ARHGEF3: variants seen among roughly 807,000 people sequenced by gnomAD.
ARHGEF3 encodes the protein 59.8 kDA protein.
A neutral mutation model predicts 63.2 loss-of-function variants in ARHGEF3; 28 were observed. The ratio of observed to expected loss-of-function variants is 0.44; its 90% CI spans 0.33 to 0.61. ARHGEF3 has a LOEUF of 0.61. ARHGEF3 is among the 20% of genes least tolerant of loss of function. The probability of loss-of-function intolerance (pLI) is 0.03; values close to 1 mark genes in which losing one functional copy is unlikely to be tolerated. For synonymous variants in ARHGEF3, 266 were observed against 254.2 expected (o/e 1.05, Z -0.44); for missense variants, 533 against 659.3 (o/e 0.81, Z 2.10).
At chr3:56,894,997 A>G (rs923710423) in intron 3 of ARHGEF3, among the ~76,000 whole-genome samples, 5 of 152,110 alleles carry the variant, frequency 3.3e-5, no homozygotes, top group African/African-American at 1.2e-4. Context: ...TTTGCTTTTT[A>G]CTCAGAACTT....
intron 1 of ARHGEF3, chr3:56,774,993 G>T (rs2036215350): frequency 6.6e-7 from 1 of 1,509,688 alleles, no homozygotes; most frequent in Non-Finnish European, 8.9e-7. Flanking sequence ...ACAAAGAGAA[G>T]AGTTACCCTT....
intron 4 of ARHGEF3, among the ~76,000 whole-genome samples, chr3:56,877,368 C>T (rs76716309): frequency 0.034 from 4,909 of 145,170 alleles, 285 homozygotes; most frequent in African/African-American, 0.12. Context: ...TTAATTTGTA[C>T]TATAATCCTT....
chr3:57,028,784 C>T (rs1000325599), intron 2 of ARHGEF3, among the ~76,000 whole-genome samples: 8 of 151,796 alleles, frequency 5.3e-5, no homozygotes, highest in Middle Eastern at 6.8e-3. Flanking sequence ...CACTGGGTTG[C>T]GACGATGTTT....
intron 2 of ARHGEF3, among the ~76,000 whole-genome samples, chr3:57,016,281 G>A (rs1278041385): frequency 6.6e-6 from 1 of 151,654 alleles, no homozygotes; most frequent in African/African-American, 2.4e-5. Context: ...AAACGGCCAG[G>A]CGCAGTAATC....
chr3:57,009,829 G>T (rs926772525), intron 2 of ARHGEF3, among the ~76,000 whole-genome samples: 2 of 151,880 alleles, frequency 1.3e-5, no homozygotes, highest in African/African-American at 4.9e-5. Context: ...ATCATGTTAT[G>T]ATTAATTAAT....
rs1410825594 is a variant in ARHGEF3, at chr3:57,001,915, G to GTTTTTTTTTTTTTTTTTTTTTTT, written c.62+33172_62+33173insAAAAAAAAAAAAAAAAAAAAAAA. Among the ~76,000 whole-genome samples the GTTTTTTTTTTTTTTTTTTTTTTT allele has an allele frequency of 2.8e-4, 15 of 53,710 alleles. 7 individuals are homozygous for GTTTTTTTTTTTTTTTTTTTTTTT. Among genetic ancestry groups the GTTTTTTTTTTTTTTTTTTTTTTT allele is most frequent in the East Asian group, 7.0e-4 (1 of 1,432 alleles). 35.2% of individuals were successfully genotyped at this position (53,710 alleles called of 152,430 possible). On this transcript the variant is annotated intron_variant, in intron 2 of 12. Coordinates refer to the ARHGEF3 transcript ENST00000338458. ...AAATCCTAAAACCCAAAGTGAGATA[G>GTTTTTTTTTTTTTTTTTTTTTTT]TTTTTTTTTTTTTTGTTTTTTGTTT...
At chr3:56,899,627 C>A (rs2041437669) in intron 3 of ARHGEF3, among the ~76,000 whole-genome samples, 1 of 152,136 alleles carries the variant, frequency 6.6e-6, no homozygotes, top group South Asian at 2.1e-4. Context: ...CATTGTTTTA[C>A]AGAAAATTAT....
chr3:56,943,549 C>T (rs1447556417), intron 3 of ARHGEF3, among the ~76,000 whole-genome samples: 1 of 152,200 alleles, frequency 6.6e-6, no homozygotes, highest in Non-Finnish European at 1.5e-5. Flanking sequence ...TTCATGCCTG[C>T]TAACTCAACA....
intron 1 of ARHGEF3, among the ~76,000 whole-genome samples, chr3:57,075,802 C>T (rs1220461334): frequency 1.3e-5 from 2 of 151,812 alleles, no homozygotes; most frequent in Admixed American, 6.6e-5. Context: ...AAAGCAAGAC[C>T]CTATCTCTAA....
intron 3 of ARHGEF3, among the ~76,000 whole-genome samples, chr3:56,923,640 C>G (rs1490782147): frequency 2.0e-5 from 3 of 152,096 alleles, no homozygotes; most frequent in Non-Finnish European, 4.4e-5. Context: ...CTGTATCCAT[C>G]TAGAAAGTTC....
intron 3 of ARHGEF3, among the ~76,000 whole-genome samples, chr3:56,905,538 A>G (rs1342661806): frequency 6.6e-6 from 1 of 152,204 alleles, no homozygotes; most frequent in Non-Finnish European, 1.5e-5. Flanking sequence ...ATATCCTTCT[A>G]CATAAACCAG....
chr3:56,776,330 C>A (rs2036284733), intron 1 of ARHGEF3, among the ~76,000 whole-genome samples: 1 of 152,198 alleles, frequency 6.6e-6, no homozygotes, highest in South Asian at 2.1e-4. Context: ...TAAGGCATTG[C>A]CGATTTGGAT....
At chr3:56,739,162 T>C in intron 7 of ARHGEF3, among the ~76,000 whole-genome samples, 1 of 152,010 alleles carries the variant, frequency 6.6e-6, no homozygotes, top group Non-Finnish European at 1.5e-5. Flanking sequence ...GGATTCTCTG[T>C]CCCCTAAAAG....
In ARHGEF3 at chr3:56,773,922, C is replaced by T; in HGVS notation, c.97-106G>A. On this transcript the variant is annotated intron_variant, in intron 1 of 9. Coordinates refer to ENST00000296315, the MANE Select transcript of ARHGEF3 (RefSeq NM_019555.3). ...CACTCCACAAGGTACTGGTTGTACA[C>T]TGATCTATGGAATATAAAGTGTCAC... is the stretch of plus-strand genomic sequence containing the variant. The T allele has an allele frequency of 4.5e-6, 4 of 895,118 alleles. No individual in the cohort carries two copies. In the South Asian group the frequency reaches 6.7e-5, roughly 15 times the overall value. 55.4% of individuals were successfully genotyped at this position (895,118 alleles called of 1,614,324 possible).
chr3:56,835,427 C>T (rs2039076530), intron 4 of ARHGEF3, among the ~76,000 whole-genome samples: 1 of 152,086 alleles, frequency 6.6e-6, no homozygotes, highest in East Asian at 1.9e-4. Context: ...CCACCCGCCT[C>T]GGCCTCCCAA....
At chr3:56,970,957 G>T (rs934680770) in intron 2 of ARHGEF3, among the ~76,000 whole-genome samples, 4 of 152,164 alleles carry the variant, frequency 2.6e-5, no homozygotes, top group African/African-American at 7.2e-5. Context: ...CTGTTGTGAG[G>T]AGTAGAGGAG....
rs376631792 is a variant in ARHGEF3 at position 56,989,992 on chromosome 3, G to A, written c.63-31103C>T. Among the ~76,000 whole-genome samples the A allele has an allele frequency of 6.6e-5, 10 of 152,258 alleles. No homozygotes were observed. In the South Asian group the frequency reaches 1.5e-3, roughly 22 times the overall value. ...GGACTGTGAGGGAGCTGATCTCCCC[G>A]AATCAAGGGCAAGAATTATTTAAAA... On this transcript the variant is annotated intron_variant, in intron 2 of 12. Transcript: ENST00000338458.
intron 4 of ARHGEF3, among the ~76,000 whole-genome samples, chr3:56,812,474 T>G (rs934970981): frequency 6.6e-6 from 1 of 152,234 alleles, no homozygotes; most frequent in Non-Finnish European, 1.5e-5. Context: ...AATAGCTTAT[T>G]TTCAAAGACA....
chr3:57,021,890 C>T (rs1282225883), intron 2 of ARHGEF3, among the ~76,000 whole-genome samples: 3 of 151,978 alleles, frequency 2.0e-5, no homozygotes, highest in African/African-American at 7.3e-5. Context: ...GGAAAAATCC[C>T]TCCCTACAAA....
Sources: gnomAD v4.1 joint callset for allele counts (sites outside exome capture counted in the v4.1 genomes callset) on GRCh38, gnomAD v4.1.1 for gene constraint, MANE v1.5 for transcripts, NCBI Gene and HGNC (gene_info 2026-07-23, HGNC 2026-07-21) for gene names.